Variants in ATRNL1 observed in about 807,000 individuals in gnomAD.
ATRNL1 encodes attractin like 1.
Under a neutral mutation model 182.7 loss-of-function variants are expected in ATRNL1, and 95 were observed. That is an observed-to-expected ratio of 0.52 (90% CI 0.44 to 0.62). ATRNL1 has a LOEUF of 0.62. Among genes scored for constraint, ATRNL1 ranks in the 20% least tolerant of loss-of-function variants. ATRNL1 has a pLI of 0.00. For missense variants in ATRNL1, 1,471 were observed against 1,679.5 expected (o/e 0.88, Z 2.17); for synonymous variants, 576 against 568.3 (o/e 1.01, Z -0.19).
chr10:115,872,364 G>A (rs1237600853), intron 28 of ATRNL1, among the ~76,000 whole-genome samples: 2 of 152,154 alleles, frequency 1.3e-5, no homozygotes, highest in Non-Finnish European at 2.9e-5. Flanking sequence ...ATTCAGAAGT[G>A]GGTACTGTCC....
chr10:115,486,094 C>T (rs1554975083), intron 24 of ATRNL1, among the ~76,000 whole-genome samples: 1 of 152,040 alleles, frequency 6.6e-6, no homozygotes. Flanking sequence ...TTTATGGCTG[C>T]ATAGTATTCG....
chr10:115,864,997 G>C (rs1223965905), intron 28 of ATRNL1, among the ~76,000 whole-genome samples: 5 of 144,874 alleles, frequency 3.5e-5, no homozygotes, highest in African/African-American at 1.3e-4. Flanking sequence ...AAAAAAAAAA[G>C]AAAAGACCAG....
intron 21 of ATRNL1, among the ~76,000 whole-genome samples, chr10:115,442,799 C>T (rs1191369296): frequency 5.9e-5 from 9 of 152,028 alleles, no homozygotes; most frequent in African/African-American, 2.2e-4. Flanking sequence ...ATGCAAACTC[C>T]ATAGGAACAA....
intron 24 of ATRNL1, among the ~76,000 whole-genome samples, chr10:115,511,919 G>T (rs558996321): frequency 6.6e-6 from 1 of 151,882 alleles, no homozygotes; most frequent in Non-Finnish European, 1.5e-5. Context: ...AGATGGGGAA[G>T]ATGAGAATAT....
chr10:115,459,751 A>G (rs978229919), intron 21 of ATRNL1, among the ~76,000 whole-genome samples: 4 of 151,960 alleles, frequency 2.6e-5, no homozygotes, highest in African/African-American at 9.7e-5. Flanking sequence ...ACCTATTCGT[A>G]TACTCCCTCC....
intron 26 of ATRNL1, among the ~76,000 whole-genome samples, chr10:115,554,792 C>G (rs1554996600): frequency 1.3e-5 from 2 of 151,420 alleles, no homozygotes; most frequent in African/African-American, 4.8e-5. Flanking sequence ...TCAAAAAAAC[C>G]CCTAAACAAA....
intron 10 of ATRNL1, among the ~76,000 whole-genome samples, chr10:115,255,726 G>A (rs1554906652): frequency 6.6e-6 from 1 of 152,162 alleles, no homozygotes; most frequent in African/African-American, 2.4e-5. Context: ...AGTTTTCAAA[G>A]GGAATGCTTC....
At chr10:115,468,381 G>A (rs1348214699) in intron 23 of ATRNL1, among the ~76,000 whole-genome samples, 1 of 150,762 alleles carries the variant, frequency 6.6e-6, no homozygotes, top group Admixed American at 6.6e-5. Context: ...TTATTTATCA[G>A]ATTTGGAGAT....
At chr10:115,302,077 C>T (rs782363124) in intron 17 of ATRNL1, 34 bp downstream of exon 17, 10 of 1,514,100 alleles carry the variant, frequency 6.6e-6, no homozygotes, top group Non-Finnish European at 9.0e-6. Flanking sequence ...TTTCACTTGA[C>T]AGCAACGTAA....
intron 20 of ATRNL1, among the ~76,000 whole-genome samples, chr10:115,404,746 T>A (rs1844737909): frequency 6.6e-6 from 1 of 151,728 alleles, no homozygotes; most frequent in South Asian, 2.1e-4. Flanking sequence ...GTGAACAGTG[T>A]GGTGGTATTT....
chr10:115,632,602 T>C (rs1780937137), intron 26 of ATRNL1, among the ~76,000 whole-genome samples: 1 of 152,140 alleles, frequency 6.6e-6, no homozygotes, highest in South Asian at 2.1e-4. Context: ...GCAACCTAAT[T>C]TTACATGTTG....
intron 24 of ATRNL1, among the ~76,000 whole-genome samples, chr10:115,488,413 T>C (rs1458099692): frequency 6.6e-6 from 1 of 152,220 alleles, no homozygotes; most frequent in South Asian, 2.1e-4. Flanking sequence ...GTTATTGGTC[T>C]ATTTAGGGAT....
At position 115,879,971 on chromosome 10, in the gene ATRNL1, C is replaced by T. The variant is rs537658499; in HGVS notation, c.4018+31980C>T. Reference sequence around the variant, plus strand: ...AGGAAATTGTTCAGAAGCTAGAAATCAAAAGTCATCAGATGGTAAAAGCCA... The same window carrying T: ...AGGAAATTGTTCAGAAGCTAGAAATTAAAAGTCATCAGATGGTAAAAGCCA... On this transcript the variant is annotated intron_variant, in intron 28 of 28. Coordinates refer to ENST00000355044, the MANE Select transcript of ATRNL1 (RefSeq NM_207303.4). Among the ~76,000 whole-genome samples, 4 of 152,180 alleles carry T rather than the reference C, an allele frequency of 2.6e-5. No homozygotes were observed. The East Asian group carries it at 5.8e-4, about 22-fold the overall frequency.
intron 28 of ATRNL1, among the ~76,000 whole-genome samples, chr10:115,884,182 A>G (rs1555109256): frequency 6.6e-6 from 1 of 152,138 alleles, no homozygotes; most frequent in East Asian, 1.9e-4. Context: ...ATTTTACCTC[A>G]TTTCTCTTTA....
intron 19 of ATRNL1, among the ~76,000 whole-genome samples, chr10:115,378,914 A>C (rs554613086): frequency 6.6e-6 from 1 of 152,206 alleles, no homozygotes; most frequent in Non-Finnish European, 1.5e-5. Flanking sequence ...AGTATATGAC[A>C]GTTGATGATG....
intron 25 of ATRNL1, among the ~76,000 whole-genome samples, chr10:115,542,272 A>T (rs1852401587): frequency 6.6e-6 from 1 of 152,146 alleles, no homozygotes; most frequent in Non-Finnish European, 1.5e-5. Flanking sequence ...ACAGATTTTG[A>T]GGTTCTGTTA....
At chr10:115,368,181 C>G (rs1019688098) in intron 19 of ATRNL1, among the ~76,000 whole-genome samples, 1 of 152,220 alleles carries the variant, frequency 6.6e-6, no homozygotes, top group Admixed American at 6.5e-5. Flanking sequence ...AGCGAGACTC[C>G]GTGGGCGTAG....
intron 20 of ATRNL1, among the ~76,000 whole-genome samples, chr10:115,408,225 G>A (rs537469812): frequency 4.0e-5 from 6 of 150,766 alleles, no homozygotes; most frequent in East Asian, 2.0e-4. Context: ...GGATGGTCTC[G>A]ATCTCCTGAC....
chr10:115,765,922 C>T (rs1555074922), intron 27 of ATRNL1, among the ~76,000 whole-genome samples: 5 of 152,136 alleles, frequency 3.3e-5, no homozygotes, highest in African/African-American at 1.2e-4. Flanking sequence ...TTAGCTATTG[C>T]AAACAATGCG....
Sources: allele counts gnomAD v4.1 joint callset (sites outside exome capture counted in the v4.1 genomes callset), GRCh38; gene constraint gnomAD v4.1.1; transcripts MANE v1.5; gene names NCBI Gene and HGNC (gene_info 2026-07-23, HGNC 2026-07-21).